Variants in AKAP10 observed in about 807,000 individuals in gnomAD.
AKAP10 encodes the protein A-kinase anchoring protein 10.
AKAP10 carries 24 observed loss-of-function variants against 80.8 expected under a neutral mutation model. The observed-to-expected ratio is 0.30, with a 90% CI of 0.22 to 0.42. AKAP10 has a LOEUF of 0.42. Among genes scored for constraint, AKAP10 ranks in the 10% least tolerant of loss-of-function variants. The pLI is 1.00. For missense variants in AKAP10, 661 were observed against 794.9 expected, an observed-to-expected ratio of 0.83 and a Z score of 2.03; for synonymous variants, 291 against 277.7, an observed-to-expected ratio of 1.05 and a Z score of -0.48.
At chr17:19,951,302 G>A (rs1471686130) in intron 4 of AKAP10, among the ~76,000 whole-genome samples, 1 of 135,338 alleles carries the variant, frequency 7.4e-6, no homozygotes, top group Admixed American at 7.3e-5. Flanking sequence ...CCCGGCCACT[G>A]CCCCGTCTGG....
chr17:19,940,069 C>T (rs575974885), intron 7 of AKAP10, among the ~76,000 whole-genome samples: 1 of 152,254 alleles, frequency 6.6e-6, no homozygotes, highest in South Asian at 2.1e-4. Context: ...ACAAACACTA[C>T]CTACACAGCT....
chr17:19,954,042 A>T (rs1216376162), intron 4 of AKAP10, among the ~76,000 whole-genome samples: 1 of 152,198 alleles, frequency 6.6e-6, no homozygotes, highest in African/African-American at 2.4e-5. Flanking sequence ...CACACACAAA[A>T]AACAAAACCC....
At chr17:19,961,832 T>C (rs1486762067) in intron 3 of AKAP10, among the ~76,000 whole-genome samples, 1 of 152,232 alleles carries the variant, frequency 6.6e-6, no homozygotes, top group Admixed American at 6.5e-5. Flanking sequence ...ATGGCTACAC[T>C]GAACCAGGTG....
chr17:19,959,720 AACTG>A (rs1270145957), intron 3 of AKAP10, among the ~76,000 whole-genome samples: 6 of 152,234 alleles, frequency 3.9e-5, no homozygotes, highest in East Asian at 1.9e-4. Context: ...ATTCTTATAA[AACTG>A]ACTGAGGGTT....
At chr17:19,921,069 C>A (rs2042808502) in intron 11 of AKAP10, among the ~76,000 whole-genome samples, 1 of 149,688 alleles carries the variant, frequency 6.7e-6, no homozygotes. Context: ...GATGAACAGT[C>A]AATTCATAAA....
chr17:19,964,412 C>A (rs1001256575), intron 2 of AKAP10, among the ~76,000 whole-genome samples: 1 of 152,158 alleles, frequency 6.6e-6, no homozygotes, highest in African/African-American at 2.4e-5. Context: ...TCTTTTAATA[C>A]CCATTTATCA....
chr17:19,911,480 T>C (rs186260131), intron 12 of AKAP10, among the ~76,000 whole-genome samples: 19 of 152,190 alleles, frequency 1.2e-4, no homozygotes, highest in African/African-American at 4.6e-4. Flanking sequence ...CTCATGCCAG[T>C]CTCTCCCACC....
intron 11 of AKAP10, among the ~76,000 whole-genome samples, chr17:19,922,602 T>A (rs563754136): frequency 1.3e-5 from 2 of 152,288 alleles, no homozygotes; most frequent in East Asian, 3.9e-4. Flanking sequence ...CTTCATTTTA[T>A]ACATTTAAAA....
chr17:19,959,185 A>T (rs1191324273), intron 3 of AKAP10, among the ~76,000 whole-genome samples: 4 of 152,170 alleles, frequency 2.6e-5, no homozygotes, highest in Non-Finnish European at 5.9e-5. Context: ...AAAAAAACTT[A>T]TGATACTAGT....
At chr17:19,952,137 AC>A (rs149489966) in intron 4 of AKAP10, among the ~76,000 whole-genome samples, 14,364 of 151,884 alleles carry the variant, frequency 0.095, 777 homozygotes, top group Non-Finnish European at 0.12. Context: ...AAATTTACCA[AC>A]AAAAACCCTG....
intron 2 of AKAP10, among the ~76,000 whole-genome samples, chr17:19,965,889 C>A (rs1490846771): frequency 6.6e-6 from 1 of 151,364 alleles, no homozygotes; most frequent in Non-Finnish European, 1.5e-5. Context: ...TCATCTATCT[C>A]TCAGGACAAT....
Position 19,940,920 on chromosome 17 carries a change from G to A in AKAP10, c.1152C>T (p.Leu384=). 1.9e-6 allele frequency: 3 copies of A among 1,609,248 alleles called. No homozygotes were observed. Among genetic ancestry groups the A allele is most frequent in the Non-Finnish European group, 2.5e-6 (3 of 1,178,768 alleles). The change falls in exon 7 of 15, where the codon CTC becomes CTT. Residue 384 remains leucine, a synonymous_variant. Transcript: ENST00000225737. ...TSGTVYLADI[L]FCESALFYFS... is the part of the protein sequence containing the mutation. ...AATAAAAGAGGGCTGACTCACAGAA[G>A]AGAATGTCAGCCAGGTAAACAGTTC...
At chr17:19,934,489 A>T (rs1195016992) in intron 9 of AKAP10, among the ~76,000 whole-genome samples, 4 of 152,174 alleles carry the variant, frequency 2.6e-5, no homozygotes, top group Non-Finnish European at 5.9e-5. Context: ...CTGGAACTAT[A>T]GGTGCATGCC....
rs78918608 is a variant in AKAP10, at chr17:19,970,669, A to G, written c.89-2208T>C. Among the ~76,000 whole-genome samples, 402 of 152,172 alleles carry G rather than the reference A, an allele frequency of 2.6e-3. 14 individuals carry two copies. In the East Asian group the frequency reaches 0.074, roughly 28 times the overall value. ...GAAACCCTGTCTCTACTGAAAACAC[A>G]AGAATTAGCAGGGTGTGGTGGCGGG... On this transcript the variant is annotated intron_variant, in intron 1 of 14. Coordinates refer to ENST00000225737, the MANE Select transcript of AKAP10 (RefSeq NM_007202.4).
chr17:19,976,729 G>C (rs192143897), intron 1 of AKAP10, among the ~76,000 whole-genome samples: 12 of 152,140 alleles, frequency 7.9e-5, no homozygotes, highest in African/African-American at 2.2e-4. Flanking sequence ...TGTTGGTCAG[G>C]CTGGTCTTGA....
chr17:19,942,468 A>G (rs912425017), intron 5 of AKAP10, among the ~76,000 whole-genome samples: 3 of 152,228 alleles, frequency 2.0e-5, no homozygotes, highest in Non-Finnish European at 2.9e-5. Flanking sequence ...CACTAGTGTT[A>G]GTGGGGATAC....
In AKAP10 at chr17:19,936,769, TGATA is replaced by T. The variant is rs370964645; in HGVS notation, c.1323-343_1323-340del. ...GGGTACCTATTCTCTGTTGAGGACT[TGATA>T]GATAGAAAGGAATTTATAGGAAAGG... On this transcript the variant is annotated intron_variant, in intron 8 of 14. Transcript: ENST00000225737. Among the ~76,000 whole-genome samples, 516 of 152,316 alleles carry T rather than the reference TGATA, an allele frequency of 3.4e-3. 3 individuals carry two copies. Among genetic ancestry groups the T allele is most frequent in the African/African-American group, 0.011 (464 of 41,572 alleles).
rs200013546 is a variant in AKAP10, at chr17:19,936,258, G to A, written c.1467+28C>T. The stretch of plus-strand genomic sequence containing the variant: ...AGTTCTACCAATAAAACTTCTTGTA[G>A]TTTGATACGTTTGAAGTTCTGGGTT... On this transcript the variant is annotated intron_variant, in intron 9 of 14. Coordinates refer to ENST00000225737, the MANE Select transcript of AKAP10 (RefSeq NM_007202.4). 5.3e-5 allele frequency: 84 copies of A among 1,592,948 alleles called. 1 individual carries two copies. In the East Asian group the frequency reaches 9.2e-4, roughly 17 times the overall value.
At chr17:19,915,324 C>G (rs982588691) in intron 12 of AKAP10, among the ~76,000 whole-genome samples, 2 of 152,168 alleles carry the variant, frequency 1.3e-5, no homozygotes, top group Non-Finnish European at 2.9e-5. Context: ...CAGGAAAGTA[C>G]AGAAGATTAA....
Sources: gnomAD v4.1 joint callset for allele counts (sites outside exome capture counted in the v4.1 genomes callset) on GRCh38, gnomAD v4.1.1 for gene constraint, MANE v1.5 for transcripts, NCBI Gene and HGNC (gene_info 2026-07-23, HGNC 2026-07-21) for gene names.